Variants in MASP1 observed in about 807,000 individuals in gnomAD.
The protein encoded by MASP1 is MBL associated serine protease 1, also known as mannan-binding lectin serine protease 1.
A neutral mutation model predicts 77.1 loss-of-function variants in MASP1; 59 were observed. That is an observed-to-expected ratio of 0.77 (90% CI 0.62 to 0.95). MASP1 has a LOEUF of 0.95. Ranked by LOEUF, MASP1 falls within the 40% of genes least tolerant of loss-of-function variation. The probability of loss-of-function intolerance (pLI) is 0.00; values close to 1 mark genes in which losing one functional copy is unlikely to be tolerated. For missense variants in MASP1, 885 were observed against 912.9 expected, an observed-to-expected ratio of 0.97 and a Z score of 0.39; for synonymous variants, 362 against 354.5, an observed-to-expected ratio of 1.02 and a Z score of -0.24.
Position 187,285,138 on chromosome 3 carries a change from C to G in MASP1, c.237+687G>C, listed in dbSNP as rs142355337. Among the ~76,000 whole-genome samples, 221 of 130,666 alleles carry G rather than the reference C, an allele frequency of 1.7e-3. 7 individuals carry two copies. The South Asian group carries it at 0.052, about 31-fold the overall frequency. The allele number at this position is 130,666 out of a possible 152,430, so 85.7% of individuals were successfully genotyped here. Reference sequence around the variant, plus strand: ...TTTCAGCCTCACTTTAAAAGAAGAACAGCTTCCCACCCATGGAATTTTTTT... The same window carrying G: ...TTTCAGCCTCACTTTAAAAGAAGAAGAGCTTCCCACCCATGGAATTTTTTT... On this transcript the variant is annotated intron_variant, in intron 2 of 10. Transcript: ENST00000296280.
chr3:187,224,104 G>C (rs537906692), intron 13 of MASP1, among the ~76,000 whole-genome samples: 1 of 152,246 alleles, frequency 6.6e-6, no homozygotes, highest in East Asian at 1.9e-4. Flanking sequence ...TTTTTCTTTT[G>C]AGCTAAAGGA....
intron 2 of MASP1, among the ~76,000 whole-genome samples, chr3:187,265,463 A>G (rs1715940156): frequency 1.3e-5 from 2 of 152,322 alleles, no homozygotes; most frequent in Non-Finnish European, 2.9e-5. Flanking sequence ...GAGCCACAGT[A>G]TTCCAGAGAA....
At chr3:187,247,632 A>G (rs1022977140) in intron 8 of MASP1, among the ~76,000 whole-genome samples, 15 of 152,156 alleles carry the variant, frequency 9.9e-5, no homozygotes, top group African/African-American at 3.6e-4. Flanking sequence ...GCTCATGAGG[A>G]TTATAAAATT....
chr3:187,290,292 T>C (rs913116254), intron 1 of MASP1, among the ~76,000 whole-genome samples: 9 of 152,072 alleles, frequency 5.9e-5, no homozygotes, highest in African/African-American at 1.9e-4. Context: ...GCTTGAACAA[T>C]CAGGTCTTCT....
chr3:187,272,290 G>C (rs967235198), intron 2 of MASP1, among the ~76,000 whole-genome samples: 16 of 152,220 alleles, frequency 1.1e-4, no homozygotes, highest in African/African-American at 3.9e-4. Context: ...TTTTCAATTT[G>C]TTAGGTTTTC....
At chr3:187,221,052 C>G (rs775898518) in exon 15 of MASP1, 1 of 1,614,134 alleles carries the variant, frequency 6.2e-7, no homozygotes, top group South Asian at 1.1e-5. Context: ...CTCCCCAGCA[C>G]AGATCATGTC....
intron 12 of MASP1, chr3:187,226,135 T>C (rs370355939): frequency 1.9e-5 from 9 of 476,088 alleles, no homozygotes; most frequent in African/African-American, 9.8e-5. Context: ...CACAGGTTCA[T>C]GGAAATCTAA....
chr3:187,223,237 G>T (rs769853513), intron 13 of MASP1: 7 of 1,525,314 alleles, frequency 4.6e-6, no homozygotes, highest in Non-Finnish European at 4.5e-6. Context: ...AGCTATCTGT[G>T]GGGTGTTTGG....
intron 2 of MASP1, among the ~76,000 whole-genome samples, chr3:187,283,676 G>T (rs1049878079): frequency 2.6e-5 from 4 of 152,160 alleles, no homozygotes; most frequent in Non-Finnish European, 4.4e-5. Flanking sequence ...TTTCTAGATG[G>T]TTAGCATGTT....
At chr3:187,250,905 T>C (rs2108539417) in intron 7 of MASP1, among the ~76,000 whole-genome samples, 1 of 152,308 alleles carries the variant, frequency 6.6e-6, no homozygotes, top group South Asian at 2.1e-4. Flanking sequence ...GCGAACCATG[T>C]GATTCCTAGA....
downstream of MASP1, among the ~76,000 whole-genome samples, chr3:187,233,811 TG>T (rs951600206): frequency 4.1e-4 from 62 of 152,240 alleles, no homozygotes; most frequent in African/African-American, 1.4e-3. Context: ...GCCCAGCGTG[TG>T]GGGGGTTGGG....
chr3:187,251,369 A>ATG, intron 7 of MASP1: 1 of 430,304 alleles, frequency 2.3e-6, no homozygotes, highest in South Asian at 2.2e-5. Context: ...ATAGAGCTGT[A>ATG]TGGATCCATA....
chr3:187,260,382 C>T lies in MASP1; in HGVS notation c.547+359G>A, dbSNP rs180939014. Among the ~76,000 whole-genome samples, 472 of 152,278 alleles carry T rather than the reference C, an allele frequency of 3.1e-3. 2 individuals are homozygous for T. Among genetic ancestry groups the T allele is most frequent in the Non-Finnish European group, 4.6e-3 (310 of 68,016 alleles). Reference sequence around the variant, plus strand: ...ATGGAAAAGAAGAGAAAAGGAGTTGCTGGGTAAAGCATAATTCGTGGCTCA... The same window carrying T: ...ATGGAAAAGAAGAGAAAAGGAGTTGTTGGGTAAAGCATAATTCGTGGCTCA... On this transcript the variant is annotated intron_variant, in intron 4 of 10. Coordinates refer to ENST00000296280, the MANE Select transcript of MASP1 (RefSeq NM_139125.4).
At chr3:187,262,392 G>C in intron 3 of MASP1, 151 bp downstream of exon 3, 1 of 773,938 alleles carries the variant, frequency 1.3e-6, no homozygotes, top group South Asian at 1.5e-5. Context: ...TAGATGGATA[G>C]ATACGTGATA....
intron 9 of MASP1, chr3:187,242,357 C>G (rs1294858635): frequency 6.6e-6 from 1 of 152,102 alleles, no homozygotes; most frequent in Non-Finnish European, 1.5e-5. Context: ...ACTAAAAATA[C>G]AAAAATTAGC....
At chr3:187,258,917 G>A (rs1715326869) in intron 4 of MASP1, among the ~76,000 whole-genome samples, 1 of 152,130 alleles carries the variant, frequency 6.6e-6, no homozygotes, top group Non-Finnish European at 1.5e-5. Flanking sequence ...GTGGGTGCAG[G>A]GGAGGATTCT....
At position 187,247,875 on chromosome 3, in the gene MASP1, T is replaced by C. The variant is rs556380139; in HGVS notation, c.1090+2376A>G. Among the ~76,000 whole-genome samples the C allele has an allele frequency of 2.6e-5, 4 of 152,320 alleles. No homozygotes were observed. In the East Asian group the frequency reaches 7.7e-4, roughly 29 times the overall value. Reference sequence around the variant, plus strand: ...CTCCCCAGCCCTTTCTCTATCACTGTTTAGGACCTGTGATATCCCATGGCA... The same window carrying C: ...CTCCCCAGCCCTTTCTCTATCACTGCTTAGGACCTGTGATATCCCATGGCA... On this transcript the variant is annotated intron_variant, in intron 8 of 10. Coordinates refer to ENST00000296280, the MANE Select transcript of MASP1 (RefSeq NM_139125.4).
intron 2 of MASP1, among the ~76,000 whole-genome samples, chr3:187,275,239 G>C (rs1716868269): frequency 6.6e-6 from 1 of 152,226 alleles, no homozygotes; most frequent in Non-Finnish European, 1.5e-5. Flanking sequence ...GTCATAGCCA[G>C]GACGTGGGTG....
chr3:187,231,056 C>T (rs1166542378), downstream of MASP1, among the ~76,000 whole-genome samples: 1 of 152,248 alleles, frequency 6.6e-6, no homozygotes, highest in Non-Finnish European at 1.5e-5. Flanking sequence ...CCACAGCCAG[C>T]TTCCCCAAGC....
Sources: gnomAD v4.1 joint callset for allele counts (sites outside exome capture counted in the v4.1 genomes callset) on GRCh38, gnomAD v4.1.1 for gene constraint, MANE v1.5 for transcripts, NCBI Gene and HGNC (gene_info 2026-07-23, HGNC 2026-07-21) for gene names.